The following VASH2 variants were observed in gnomAD, a reference collection of about 807,000 sequenced individuals.
The protein encoded by VASH2 is vasohibin 2, also known as tubulinyl-Tyr carboxypeptidase 2.
Under a neutral mutation model 37.2 loss-of-function variants are expected in VASH2, and 28 were observed. The observed-to-expected ratio is 0.75, with a 90% CI of 0.56 to 1.03. The LOEUF (loss-of-function observed/expected upper bound fraction) is 1.03, where lower values mean the gene tolerates loss of function less well. VASH2 is among the 50% of genes least tolerant of loss of function. The probability of loss-of-function intolerance (pLI) is 0.00; values close to 1 mark genes in which losing one functional copy is unlikely to be tolerated. For synonymous variants in VASH2, 188 were observed against 174.7 expected (o/e 1.08, Z -0.60); for missense variants, 419 against 459.1 (o/e 0.91, Z 0.80).
At chr1:212,966,488 CT>C in intron 5 of VASH2, 143 bp downstream of exon 5, 1 of 706,994 alleles carries the variant, frequency 1.4e-6, no homozygotes. Flanking sequence ...TCTGGTTCAT[CT>C]CTTTAACTTT....
At chr1:212,979,561 C>A (rs183208370) in intron 7 of VASH2, among the ~76,000 whole-genome samples, 1 of 152,334 alleles carries the variant, frequency 6.6e-6, no homozygotes, top group African/African-American at 2.4e-5. Context: ...CACCTCCTCC[C>A]TCCAGCTGGA....
chr1:212,960,030 A>G (rs1666625016), intron 2 of VASH2, among the ~76,000 whole-genome samples: 1 of 152,198 alleles, frequency 6.6e-6, no homozygotes, highest in African/African-American at 2.4e-5. Context: ...ACCGAGAAAC[A>G]TGTAGGTGAA....
chr1:212,972,999 C>T lies in VASH2; in HGVS notation c.879+38C>T, dbSNP rs745874232. The T allele has an allele frequency of 5.7e-6, 9 of 1,582,162 alleles. 1 individual carries two copies. The South Asian group carries it at 9.1e-5, about 16-fold the overall frequency. On this transcript the variant is annotated intron_variant, in intron 6 of 7. Transcript: ENST00000517399. ...AAGACAAGGAAGCCATGCAGGAGAGCTCTTTTCCCATTCCTTTCTCTCTGT... is the reference window on the plus strand; with the variant it reads ...AAGACAAGGAAGCCATGCAGGAGAGTTCTTTTCCCATTCCTTTCTCTCTGT...
chr1:212,988,950 G>A lies in VASH2; in HGVS notation c.*366G>A, dbSNP rs911385867. On this transcript the variant is annotated 3_prime_UTR_variant, in exon 8 of 8. Coordinates refer to ENST00000517399, the MANE Select transcript of VASH2 (RefSeq NM_001301056.2). ...AATAATCTCTTGAACTTTTGGTATAGTAAGGTAACTCTAACAGTATTACTG... is the reference window on the plus strand; with the variant it reads ...AATAATCTCTTGAACTTTTGGTATAATAAGGTAACTCTAACAGTATTACTG... 4.5e-6 allele frequency: 1 copy of A among 222,462 alleles called. No individual in the cohort carries two copies. The highest frequency in any genetic ancestry group is 9.3e-6 in the Non-Finnish European group (1 of 107,300). 13.8% of individuals were successfully genotyped at this position (222,462 alleles called of 1,614,324 possible). A position where few individuals can be genotyped will look rare whatever the true frequency, so the allele number is the denominator to read the frequency against.
At chr1:212,958,199 G>A (rs1666554962) in intron 2 of VASH2, among the ~76,000 whole-genome samples, 1 of 152,172 alleles carries the variant, frequency 6.6e-6, no homozygotes, top group Admixed American at 6.5e-5. Context: ...GGCGCTGGTT[G>A]GAAGTGGACC....
intron 6 of VASH2, chr1:212,973,496 G>A (rs41309633): frequency 0.026 from 33,938 of 1,290,758 alleles, 507 homozygotes; most frequent in East Asian, 0.035. Flanking sequence ...TTGTGGACTT[G>A]TCATCTTCAC....
intron 5 of VASH2, chr1:212,966,984 A>G (rs1345350146): frequency 3.2e-6 from 2 of 623,092 alleles, no homozygotes; most frequent in African/African-American, 1.9e-5. Context: ...AGCTCAAGTG[A>G]TCCGCCCACC....
rs1338990218 is a variant in VASH2, at chr1:212,990,591, A to G, written c.*2007A>G. On this transcript the variant is annotated 3_prime_UTR_variant, in exon 8 of 8. Coordinates refer to ENST00000517399, the MANE Select transcript of VASH2 (RefSeq NM_001301056.2). Reference sequence around the variant, plus strand: ...AGTACTGTTACATCTAAAATACAGAATGTCAAATGGTTGCATAGCTTGTTT... The same window carrying G: ...AGTACTGTTACATCTAAAATACAGAGTGTCAAATGGTTGCATAGCTTGTTT... 1 of 152,236 alleles carries G rather than the reference A, an allele frequency of 6.6e-6. No homozygotes were observed. The highest frequency in any genetic ancestry group is 1.5e-5 in the Non-Finnish European group (1 of 68,046). The allele number at this position is 152,236 out of a possible 1,614,324, so 9.4% of individuals were successfully genotyped here.
intron 4 of VASH2, 100 bp downstream of exon 4, chr1:212,965,878 ATCC>A: frequency 8.0e-7 from 1 of 1,257,268 alleles, no homozygotes; most frequent in Non-Finnish European, 1.1e-6. Context: ...TGGCTCAGGT[ATCC>A]TAGTCTGTAA....
chr1:212,966,525 A>G (rs1025566826), intron 5 of VASH2, among the ~76,000 whole-genome samples, 180 bp downstream of exon 5: 1 of 152,178 alleles, frequency 6.6e-6, no homozygotes, highest in African/African-American at 2.4e-5. Context: ...AACCAAATCA[A>G]TGCTTGGCTT....
Position 212,969,020 on chromosome 1 carries a change from A to G in VASH2, c.497+2675A>G, listed in dbSNP as rs187651149. ...TGGAATTGTGGGGATAGACCCAGGA[A>G]CAGCCTTTGAGCCTGTCCAAATCAG... On this transcript the variant is annotated intron_variant, in intron 5 of 7. Transcript: ENST00000517399. 1.0e-4 allele frequency: 100 copies of G among 985,390 alleles called. 1 individual carries two copies. The African/African-American group carries it at 1.6e-3, about 16-fold the overall frequency. 61.0% of individuals were successfully genotyped at this position (985,390 alleles called of 1,614,324 possible). A position where few individuals can be genotyped will look rare whatever the true frequency, so the allele number is the denominator to read the frequency against.
intron 5 of VASH2, among the ~76,000 whole-genome samples, chr1:212,966,685 A>G (rs1435248406): frequency 1.3e-5 from 2 of 152,220 alleles, no homozygotes; most frequent in African/African-American, 4.8e-5. Context: ...TTGCATTAAT[A>G]TGACATTGCA....
At chr1:212,984,172 A>G (rs1260595097) in intron 7 of VASH2, among the ~76,000 whole-genome samples, 1 of 152,222 alleles carries the variant, frequency 6.6e-6, no homozygotes, top group Non-Finnish European at 1.5e-5. Context: ...AGACTAAGAA[A>G]AGGAGTTCAA....
At chr1:212,988,051 AAC>A (rs1224211417) in intron 7 of VASH2, among the ~76,000 whole-genome samples, 1 of 152,200 alleles carries the variant, frequency 6.6e-6, no homozygotes, top group Admixed American at 6.5e-5. Flanking sequence ...TTCAAGCCTG[AAC>A]ATTAACCGCT....
chr1:212,977,079 A>C (rs2935217), intron 7 of VASH2, among the ~76,000 whole-genome samples: 1 of 152,026 alleles, frequency 6.6e-6, no homozygotes, highest in Non-Finnish European at 1.5e-5. Context: ...AAGGAGAAGC[A>C]CTATGCACTG....
chr1:212,955,552 G>T (rs1421087785), intron 2 of VASH2, among the ~76,000 whole-genome samples: 1 of 152,178 alleles, frequency 6.6e-6, no homozygotes, highest in African/African-American at 2.4e-5. Flanking sequence ...AAAACAGTGG[G>T]CATTCTAGGA....
intron 5 of VASH2, chr1:212,966,983 G>A: frequency 1.6e-6 from 1 of 618,220 alleles, no homozygotes; most frequent in Non-Finnish European, 2.7e-6. Flanking sequence ...GAGCTCAAGT[G>A]ATCCGCCCAC....
At chr1:212,953,550 TGA>T (rs1212347311) in intron 2 of VASH2, among the ~76,000 whole-genome samples, 1 of 152,204 alleles carries the variant, frequency 6.6e-6, no homozygotes, top group Non-Finnish European at 1.5e-5. Flanking sequence ...TTGAATGTTA[TGA>T]GAGAGTGCTC....
rs150945050 is a variant in VASH2 at position 212,972,690 on chromosome 1, G to A, written c.608G>A (p.Arg203His). ...HVVLGIYCNG[R>H]YGSLGMSRRA... ...GTGCTGGGGATTTACTGCAATGGCC[G>A]CTATGGCTCATTGGGCATGAGCCGC... The change falls in exon 6 of 8, where the codon CGC becomes CAC. Residue 203 changes from arginine to histidine, a missense_variant. Transcript: ENST00000517399. The A allele has an allele frequency of 2.8e-5, 46 of 1,614,192 alleles. No individual in the cohort carries two copies. In the South Asian group the frequency reaches 3.6e-4, roughly 13 times the overall value.
Sources: allele counts gnomAD v4.1 joint callset (sites outside exome capture counted in the v4.1 genomes callset), GRCh38; gene constraint gnomAD v4.1.1; transcripts MANE v1.5; gene names NCBI Gene and HGNC (gene_info 2026-07-23, HGNC 2026-07-21).